The following TRPV5 variants were observed in gnomAD, a reference collection of about 807,000 sequenced individuals.
The protein encoded by TRPV5 is calcium transport protein 2.
TRPV5 carries 66 observed loss-of-function variants against 74.1 expected under a neutral mutation model. The ratio of observed to expected loss-of-function variants is 0.89; its 90% CI spans 0.73 to 1.09. TRPV5 has a LOEUF of 1.09. Ranked by LOEUF, TRPV5 falls within the 50% of genes least tolerant of loss-of-function variation. The pLI is 0.00. For synonymous variants in TRPV5, 399 were observed against 360.7 expected (o/e 1.11, Z -1.20); for missense variants, 936 against 930.4 (o/e 1.01, Z -0.08).
Position 142,914,684 on chromosome 7 carries a change from C to T in TRPV5, c.1475G>A (p.Arg492His), listed in dbSNP as rs757726292. The T allele has an allele frequency of 1.5e-5, 25 of 1,613,592 alleles. No individual in the cohort carries two copies. The highest frequency in any genetic ancestry group is 1.6e-4 in the Middle Eastern group (1 of 6,082). The change falls in exon 12 of 15, where the codon CGT (arginine) becomes CAT (histidine). Residue 492 changes from arginine (R) to histidine (H), a missense_variant. Physicochemically the swap from Arg to His is conservative, Grantham distance 29. Transcript: ENST00000265310. ...IQKMIFGDLM[R>H]FCWLMAVVIL... Reference sequence around the variant, plus strand: ...GACCACAGCCATCAGCCAGCAGAAACGCATTAGGTCTCCAAAAATCATCTG... The same window carrying T: ...GACCACAGCCATCAGCCAGCAGAAATGCATTAGGTCTCCAAAAATCATCTG...
intron 8 of TRPV5, among the ~76,000 whole-genome samples, chr7:142,924,290 G>A (rs1408085361): frequency 8.6e-5 from 7 of 81,098 alleles, no homozygotes; most frequent in Non-Finnish European, 1.7e-4. Flanking sequence ...ACATATACAT[G>A]TATATATATA....
At chr7:142,909,713 C>T (rs2116571766) in intron 13 of TRPV5, 117 bp from the exon 14 acceptor site, 1 of 1,097,026 alleles carries the variant, frequency 9.1e-7, no homozygotes, top group African/African-American at 1.5e-5. Flanking sequence ...CACTAGAGGT[C>T]AGTGGTGAGA....
chr7:142,912,535 C>T lies in TRPV5; in HGVS notation c.1735G>A (p.Gly579Ser). ...TGGGCCACCCTCCAGTGGGTGTCGC[C>T]CATCATGGCGATGAACAAGTTGAGC... ...LMLNLFIAMM[G>S]DTHWRVAQER... The change falls in exon 13 of 15, where the codon GGC (glycine) becomes AGC (serine). Residue 579 changes from glycine (G) to serine (S), a missense_variant. By Grantham distance (56) the Gly-to-Ser change is moderately conservative. Coordinates refer to ENST00000265310, the MANE Select transcript of TRPV5 (RefSeq NM_019841.7). 6.2e-7 allele frequency: 1 copy of T among 1,614,204 alleles called. No homozygotes were observed. Among genetic ancestry groups the T allele is most frequent in the Non-Finnish European group, 8.5e-7 (1 of 1,180,032 alleles).
Position 142,908,715 on chromosome 7 carries a change from T to A in TRPV5, c.1989A>T (p.Pro663=). The A allele has an allele frequency of 6.2e-7, 1 of 1,614,194 alleles. No homozygotes were observed. The highest frequency in any genetic ancestry group is 8.5e-7 in the Non-Finnish European group (1 of 1,180,038). The change falls in exon 15 of 15, where the codon CCA becomes CCT. Residue 663 remains proline, a synonymous_variant. Transcript: ENST00000265310. Reference sequence around the variant, plus strand: ...CAGCCCCAGAGGGCTGTTTCTCAGATGGATGCTCCTGGTCATCCTCCTTGT... The same window carrying A: ...CAGCCCCAGAGGGCTGTTTCTCAGAAGGATGCTCCTGGTCATCCTCCTTGT... The part of the protein sequence containing the change: ...NSDKEDDQEH[P]SEKQPSGAES...
In TRPV5 at chr7:142,915,068, A is replaced by C. The variant is rs756716475; in HGVS notation, c.1287-22T>G. 6 of 1,610,944 alleles carry C rather than the reference A, an allele frequency of 3.7e-6. No individual in the cohort carries two copies. The Admixed American group carries it at 1.0e-4, about 27-fold the overall frequency. ...GATGCTGGGGGAGCAGAAAGCAGAG[A>C]GTGAGAGACAAGCTGGAACTATTTT... On this transcript the variant is annotated intron_variant, in intron 10 of 14. Transcript: ENST00000265310.
chr7:142,928,277 A>C (rs1053335746), intron 6 of TRPV5, 43 bp from the exon 7 acceptor site: 78 of 1,611,532 alleles, frequency 4.8e-5, no homozygotes, highest in Non-Finnish European at 6.5e-5. Flanking sequence ...ACGTGTGAGA[A>C]GGTGGTCGAG....
chr7:142,908,846 G>T, intron 14 of TRPV5, 38 bp from the exon 15 acceptor site: 15 of 1,585,564 alleles, frequency 9.5e-6, no homozygotes, highest in Non-Finnish European at 1.3e-5. Context: ...AATCCAGGTG[G>T]GGAGACATGG....
At chr7:142,912,377 G>T in intron 13 of TRPV5, 105 bp downstream of exon 13, 1 of 1,464,882 alleles carries the variant, frequency 6.8e-7, no homozygotes, top group East Asian at 2.3e-5. Flanking sequence ...CAGCCTCACT[G>T]GGTTTTTCTG....
rs1166719353 is a variant in TRPV5 at position 142,928,815 on chromosome 7, C to A, written c.638G>T (p.Cys213Phe). 1.9e-6 allele frequency: 3 copies of A among 1,614,040 alleles called. No individual in the cohort carries two copies. The highest frequency in any genetic ancestry group is 2.5e-6 in the Non-Finnish European group (3 of 1,180,020). ...GGACAGCAGCAGGTTGTACATCTGGCAGGCAAAGGTTTTGTTGGGCTGGAG... is the reference window on the plus strand; with the variant it reads ...GGACAGCAGCAGGTTGTACATCTGGAAGGCAAAGGTTTTGTTGGGCTGGAG... Reference protein sequence around the residue: ...LILQPNKTFACQMYNLLLSYD... With the variant: ...LILQPNKTFAFQMYNLLLSYD... The change falls in exon 6 of 15, where the codon TGC becomes TTC. Residue 213 changes from cysteine (C) to phenylalanine (F), a missense_variant. Cys to Phe is a radical substitution (Grantham distance 205). Transcript: ENST00000265310.
chr7:142,909,670 T>C, intron 13 of TRPV5, 74 bp from the exon 14 acceptor site: 3 of 1,508,006 alleles, frequency 2.0e-6, no homozygotes, highest in Non-Finnish European at 2.7e-6. Context: ...AGGCCACTGA[T>C]AAAGGGAACC....
intron 10 of TRPV5, 117 bp from the exon 11 acceptor site, chr7:142,915,163 G>T: frequency 6.6e-7 from 1 of 1,515,754 alleles, no homozygotes; most frequent in Non-Finnish European, 9.0e-7. Flanking sequence ...CACCTAAAAC[G>T]CACATACAGT....
chr7:142,925,402 T>A (rs895144727), intron 8 of TRPV5, 127 bp downstream of exon 8: 1 of 883,594 alleles, frequency 1.1e-6, no homozygotes, highest in East Asian at 2.6e-5. Context: ...AATTTCTACC[T>A]GGGTGTTTAG....
chr7:142,915,182 C>T (rs1795773181), intron 10 of TRPV5, 125 bp downstream of exon 10: 9 of 1,514,238 alleles, frequency 5.9e-6, no homozygotes, highest in African/African-American at 1.4e-5. Context: ...GTTACACCTA[C>T]AAGTCCACTG....
intron 12 of TRPV5, among the ~76,000 whole-genome samples, chr7:142,914,227 G>T (rs4252491): frequency 0.96 from 145,846 of 152,360 alleles, 69,874 homozygotes; most frequent in East Asian, 0.99. Context: ...GAGTGCTTTA[G>T]GTTTCCTCTT....
At position 142,925,632 on chromosome 7, in the gene TRPV5, A is replaced by C. The variant is rs1282159694; in HGVS notation, c.1019T>G (p.Met340Arg). Residue 340 changes from methionine (M) to arginine (R), a missense_variant, in exon 8 of 15, where the codon ATG becomes AGG. Physicochemically the swap from Met to Arg is moderately conservative, Grantham distance 91 (BLOSUM62 -1). Coordinates refer to ENST00000265310, the MANE Select transcript of TRPV5 (RefSeq NM_019841.7). Reference sequence around the variant, plus strand: ...GACGCAGCACGTAGTAAAGCAGATCATGTAGAGCAGGTACAAGGCAGCCAG... The same window carrying C: ...GACGCAGCACGTAGTAAAGCAGATCCTGTAGAGCAGGTACAAGGCAGCCAG... The part of the protein sequence containing the change: ...CILAALYLLY[M>R]ICFTTCCVYR... The C allele has an allele frequency of 1.2e-6, 2 of 1,614,180 alleles. No homozygotes were observed. The highest frequency in any genetic ancestry group is 3.3e-5 in the Admixed American group (2 of 60,032).
intron 1 of TRPV5, 62 bp downstream of exon 1, chr7:142,933,270 A>G: frequency 1.3e-6 from 2 of 1,591,504 alleles, no homozygotes; most frequent in Non-Finnish European, 1.7e-6. Flanking sequence ...AAGCAGGCCC[A>G]GGTGGGTCAG....
Position 142,928,333 on chromosome 7 carries a change from A to T in TRPV5, c.763-99T>A, listed in dbSNP as rs991513912. 4 of 1,307,516 alleles carry T rather than the reference A, an allele frequency of 3.1e-6. No individual in the cohort carries two copies. The Admixed American group carries it at 5.3e-5, about 17-fold the overall frequency. The allele number at this position is 1,307,516 out of a possible 1,614,324, so 81.0% of individuals were successfully genotyped here. A position where few individuals can be genotyped will look rare whatever the true frequency, so the allele number is the denominator to read the frequency against. On this transcript the variant is annotated intron_variant, in intron 6 of 14. Coordinates refer to ENST00000265310, the MANE Select transcript of TRPV5 (RefSeq NM_019841.7). ...GAGCCAGTTGCCCACCCCTTGAGAC[A>T]GACAGACAGTGGGAACCAGCAAACC...
At chr7:142,930,662 C>T (rs1429964361) in intron 1 of TRPV5, among the ~76,000 whole-genome samples, 3 of 152,206 alleles carry the variant, frequency 2.0e-5, no homozygotes, top group Non-Finnish European at 4.4e-5. Flanking sequence ...TGGTGATTCT[C>T]CTGTGAGGAT....
In TRPV5 at chr7:142,914,695, T is replaced by C. The variant is rs1347516884; in HGVS notation, c.1464A>G (p.Gly488=). 1 of 1,613,684 alleles carries C rather than the reference T, an allele frequency of 6.2e-7. No individual in the cohort carries two copies. The highest frequency in any genetic ancestry group is 2.2e-5 in the East Asian group (1 of 44,870). Residue 488 remains glycine (G), a synonymous_variant, in exon 12 of 15, where the codon GGA becomes GGG. Coordinates refer to ENST00000265310, the MANE Select transcript of TRPV5 (RefSeq NM_019841.7). The part of the protein sequence containing the change: ...FTIMIQKMIF[G]DLMRFCWLMA... ...TCAGCCAGCAGAAACGCATTAGGTC[T>C]CCAAAAATCATCTGCAGGAAACAGA... is the stretch of plus-strand genomic sequence containing the variant.
Sources: allele counts gnomAD v4.1 joint callset (sites outside exome capture counted in the v4.1 genomes callset), GRCh38; gene constraint gnomAD v4.1.1; transcripts MANE v1.5; gene names NCBI Gene and HGNC (gene_info 2026-07-23, HGNC 2026-07-21).